Variants in CSF2RA observed in about 807,000 individuals in gnomAD.
CSF2RA encodes the protein granulocyte-macrophage colony-stimulating factor receptor subunit alpha.
A neutral mutation model predicts 51.6 loss-of-function variants in CSF2RA; 42 were observed. The ratio of observed to expected loss-of-function variants is 0.81; its 90% CI spans 0.64 to 1.05. The LOEUF is 1.05. Ranked by LOEUF, CSF2RA falls within the 50% of genes least tolerant of loss-of-function variation. The pLI, the probability that CSF2RA is intolerant of heterozygous loss-of-function variation, is 0.00. For missense variants in CSF2RA, 530 were observed against 501.1 expected (o/e 1.06, Z -0.55); for synonymous variants, 222 against 193.0 (o/e 1.15, Z -1.24).
At chrX:1,268,969 A>C (rs2087965641) in intron 1 of CSF2RA, 90 bp downstream of exon 1, 2 of 442,786 alleles carry the variant, frequency 4.5e-6, no homozygotes, top group Non-Finnish European at 9.1e-6. Context: ...GAAAAGAAAG[A>C]GACTGAACTG....
intron 8 of CSF2RA, 80 bp downstream of exon 8, chrX:1,294,541 G>A: frequency 6.3e-7 from 1 of 1,589,268 alleles, no homozygotes; most frequent in Non-Finnish European, 8.6e-7. Flanking sequence ...GGAATCCCGG[G>A]GAAGTGGCCT....
chrX:1,282,408 G>C (rs1190253173), intron 2 of CSF2RA: 3 of 555,066 alleles, frequency 5.4e-6, no homozygotes, highest in Non-Finnish European at 9.7e-6. Flanking sequence ...CCCTCATGAA[G>C]GTCAGCTGAG....
At chrX:1,283,395 T>G in intron 3 of CSF2RA, among the ~76,000 whole-genome samples, 1 of 149,706 alleles carries the variant, frequency 6.7e-6, no homozygotes, top group South Asian at 2.1e-4. Context: ...TTCTTTCTCT[T>G]TCTTCCTTCC....
At chrX:1,274,617 G>A (rs1332282266) in intron 1 of CSF2RA, 138 bp from the exon 2 acceptor site, 5 of 425,410 alleles carry the variant, frequency 1.2e-5, no homozygotes, top group South Asian at 4.9e-5. Context: ...GAGCCATGGC[G>A]CCCAGCCCTG....
downstream of CSF2RA, among the ~76,000 whole-genome samples, chrX:1,315,208 G>C: frequency 6.6e-6 from 1 of 152,040 alleles, no homozygotes; most frequent in South Asian, 2.1e-4. Context: ...TCTATGATGA[G>C]GACAGGTGTG....
At chrX:1,269,637 G>GA (rs1344440817) in intron 1 of CSF2RA, among the ~76,000 whole-genome samples, 3 of 36,866 alleles carry the variant, frequency 8.1e-5, no homozygotes, top group African/African-American at 1.6e-4. Context: ...AAAAGAAAAA[G>GA]AAAAAAAAAG....
At chrX:1,290,636 G>C in intron 7 of CSF2RA, 127 bp downstream of exon 7, 1 of 948,032 alleles carries the variant, frequency 1.1e-6, no homozygotes, top group Non-Finnish European at 1.7e-6. Flanking sequence ...AGGCCGAGGC[G>C]GGCCGATCAC....
rs749833246 is a variant in CSF2RA, at chrX:1,277,593, C to CAAA, written c.-27+2797_-27+2799dup. On this transcript the variant is annotated intron_variant, in intron 2 of 12. Transcript: ENST00000381529. ...CCTGGGCGATAGAGTAAGTCCATCT[C>CAAA]AAAAAAAAAAAAAAAAAAAAAAAAT... Among the ~76,000 whole-genome samples the CAAA allele has an allele frequency of 5.2e-3, 364 of 70,198 alleles. 6 individuals carry two copies. The highest frequency in any genetic ancestry group is 0.016 in the East Asian group (31 of 1,954). The allele number at this position is 70,198 out of a possible 152,430, so 46.1% of individuals were successfully genotyped here. A position where few individuals can be genotyped will look rare whatever the true frequency, so the allele number is the denominator to read the frequency against.
At chrX:1,308,504 G>A (rs773277404) in intron 12 of CSF2RA, among the ~76,000 whole-genome samples, 7 of 152,038 alleles carry the variant, frequency 4.6e-5, no homozygotes, top group East Asian at 3.9e-4. Context: ...CCAAGACCCC[G>A]TGGGTGGCCC....
Position 1,307,546 on chromosome X carries a change from C to A in CSF2RA, c.1126-1856C>A, listed in dbSNP as rs768986438. On this transcript the variant is annotated intron_variant, in intron 12 of 12. Transcript: ENST00000381529. Reference sequence around the variant, plus strand: ...TTTGACTGATTAGATGAAGCCCACGCTTCTCCTTTGGACCTTCAACTGATT... The same window carrying A: ...TTTGACTGATTAGATGAAGCCCACGATTCTCCTTTGGACCTTCAACTGATT... 7.2e-3 allele frequency among the ~76,000 whole-genome samples: 737 copies of A among 103,034 alleles called. 1 individual carries two copies. Among genetic ancestry groups the A allele is most frequent in the South Asian group, 0.013 (47 of 3,548 alleles). The allele number at this position is 103,034 out of a possible 152,430, so 67.6% of individuals were successfully genotyped here. A position where few individuals can be genotyped will look rare whatever the true frequency, so the allele number is the denominator to read the frequency against.
intron 9 of CSF2RA, among the ~76,000 whole-genome samples, chrX:1,299,106 C>G (rs1411033491): frequency 6.6e-6 from 1 of 152,190 alleles, no homozygotes. Flanking sequence ...AGGGTCTGCT[C>G]TTGGCCTCAA....
rs759023063 is a variant in CSF2RA, at chrX:1,303,877, G to A, written c.947-46G>A. ...GAAGAGATTTAATTTCCTTTCACAT[G>A]TCCGTCAACGATTCACCGCAGACGC... On this transcript the variant is annotated intron_variant, in intron 10 of 12. Coordinates refer to ENST00000381529, the MANE Select transcript of CSF2RA (RefSeq NM_172245.4). The A allele has an allele frequency of 2.0e-5, 29 of 1,457,106 alleles. No individual in the cohort carries two copies. In the Middle Eastern group the frequency reaches 6.9e-4, roughly 35 times the overall value. The allele number at this position is 1,457,106 out of a possible 1,614,324, so 90.3% of individuals were successfully genotyped here.
chrX:1,309,668 C>G lies in CSF2RA; in HGVS notation c.*189C>G. 7.4e-7 allele frequency: 1 copy of G among 1,342,558 alleles called. No individual in the cohort carries two copies. The highest frequency in any genetic ancestry group is 1.1e-6 in the Non-Finnish European group (1 of 934,802). 83.2% of individuals were successfully genotyped at this position (1,342,558 alleles called of 1,614,324 possible). A position where few individuals can be genotyped will look rare whatever the true frequency, so the allele number is the denominator to read the frequency against. ...TTGGGAGGCCAAGGCAGGCGGATCA[C>G]CTGAGGTCAGGAGTTCAAGACCAGC... On this transcript the variant is annotated 3_prime_UTR_variant, in exon 13 of 13. Coordinates refer to ENST00000381529, the MANE Select transcript of CSF2RA (RefSeq NM_172245.4).
chrX:1,315,511 C>T, the CSF2RA span, among the ~76,000 whole-genome samples: 1 of 152,146 alleles, frequency 6.6e-6, no homozygotes, highest in African/African-American at 2.4e-5. Flanking sequence ...TCAAGTGATT[C>T]TCCTGCCTCA....
At chrX:1,324,601 A>C in the CSF2RA span, among the ~76,000 whole-genome samples, 4 of 151,888 alleles carry the variant, frequency 2.6e-5, no homozygotes, top group Admixed American at 2.6e-4. Context: ...AAAGAGAGAA[A>C]GAAAAGCAAG....
At chrX:1,271,900 G>A (rs755845391) in intron 1 of CSF2RA, among the ~76,000 whole-genome samples, 1 of 152,030 alleles carries the variant, frequency 6.6e-6, no homozygotes, top group African/African-American at 2.4e-5. Flanking sequence ...TAGGTTTGCT[G>A]TAGATGACAG....
the CSF2RA span, among the ~76,000 whole-genome samples, chrX:1,317,366 C>G: frequency 1.8e-4 from 27 of 149,584 alleles, no homozygotes; most frequent in African/African-American, 6.4e-4. Context: ...ATTCTCCCGC[C>G]TCAGCCTCCC....
At chrX:1,314,547 C>CTG (rs1569514936), downstream of CSF2RA, among the ~76,000 whole-genome samples, 5 of 47,828 alleles carry the variant, frequency 1.0e-4, no homozygotes, top group African/African-American at 5.1e-4. Flanking sequence ...CTGCCCAATC[C>CTG]CACTGCACCT....
downstream of CSF2RA, among the ~76,000 whole-genome samples, chrX:1,312,873 AC>A (rs1457311133): frequency 4.0e-5 from 6 of 151,636 alleles, no homozygotes; most frequent in Non-Finnish European, 7.4e-5. Context: ...TCTACCCCTG[AC>A]CTTTTGATTC....
Sources: allele counts gnomAD v4.1 joint callset (sites outside exome capture counted in the v4.1 genomes callset), GRCh38; gene constraint gnomAD v4.1.1; transcripts MANE v1.5; gene names NCBI Gene and HGNC (gene_info 2026-07-23, HGNC 2026-07-21).